P2RY12: variants seen among roughly 807,000 people sequenced by gnomAD.
P2RY12 encodes purinergic receptor P2Y12.
A neutral mutation model predicts 4.5 loss-of-function variants in P2RY12; 3 were observed. The observed-to-expected ratio is 0.67, with a 90% CI of 0.31 to 1.74. The LOEUF (loss-of-function observed/expected upper bound fraction) is 1.74, where lower values mean the gene tolerates loss of function less well. P2RY12 is among the 40% of genes most tolerant of loss of function. P2RY12 has a pLI of 0.09. For missense variants in P2RY12, 356 were observed against 407.8 expected (o/e 0.87, Z 1.09); for synonymous variants, 148 against 154.1 (o/e 0.96, Z 0.29).
chr3:151,350,489 A>G (rs943640715), intron 1 of P2RY12, among the ~76,000 whole-genome samples: 30 of 152,098 alleles, frequency 2.0e-4, no homozygotes, highest in Non-Finnish European at 3.1e-4. Flanking sequence ...GATTTTTGGT[A>G]TACTTCTCAA....
At chr3:151,377,230 G>A (rs765415147) in intron 1 of P2RY12, 28 of 1,478,198 alleles carry the variant, frequency 1.9e-5, no homozygotes, top group East Asian at 4.6e-5. Flanking sequence ...CACAAGTAAC[G>A]GTAAATTTTG....
At chr3:151,377,301 A>C (rs372202111) in intron 1 of P2RY12, 1 of 730,822 alleles carries the variant, frequency 1.4e-6, no homozygotes, top group Non-Finnish European at 2.2e-6. Context: ...ACTTGTAAGC[A>C]GGGATTATTA....
At chr3:151,348,685 A>G (rs1752868929) in intron 1 of P2RY12, among the ~76,000 whole-genome samples, 1 of 152,098 alleles carries the variant, frequency 6.6e-6, no homozygotes. Context: ...TGTAATGTAT[A>G]ATAAAAAAGG....
At chr3:151,353,496 C>T (rs1297801887) in intron 1 of P2RY12, among the ~76,000 whole-genome samples, 7 of 152,182 alleles carry the variant, frequency 4.6e-5, no homozygotes, top group Non-Finnish European at 8.8e-5. Context: ...AAGCTTGTAA[C>T]TTATGTTACC....
intron 1 of P2RY12, chr3:151,360,663 C>T: frequency 6.8e-7 from 1 of 1,470,934 alleles, no homozygotes; most frequent in Non-Finnish European, 9.3e-7. Context: ...TTGTTAGTGA[C>T]CCTGACAATA....
At chr3:151,356,659 C>CT (rs1753961794) in intron 1 of P2RY12, among the ~76,000 whole-genome samples, 1 of 150,934 alleles carries the variant, frequency 6.6e-6, no homozygotes, top group Non-Finnish European at 1.5e-5. Context: ...TTCTTTTGGT[C>CT]TTTGTTATTT....
chr3:151,345,521 T>C (rs1295402594), intron 1 of P2RY12, among the ~76,000 whole-genome samples: 6 of 134,650 alleles, frequency 4.5e-5, no homozygotes, highest in Admixed American at 2.9e-4. Flanking sequence ...CTTTTTCTTT[T>C]TTTTTTTTTT....
intron 1 of P2RY12, among the ~76,000 whole-genome samples, chr3:151,362,778 A>G (rs1577443827): frequency 6.6e-6 from 1 of 152,182 alleles, no homozygotes; most frequent in African/African-American, 2.4e-5. Context: ...TGGTATTAAT[A>G]AAGTGTGAAA....
In P2RY12 at chr3:151,356,053, C is replaced by T. The variant is rs761288957; in HGVS notation, c.-179-15293G>A. ...TTCGCAATACAGGTGTCAAAGAGAC[C>T]ATGTTTCTCTTACTTTTAGGAAAGC... On this transcript the variant is annotated intron_variant, in intron 1 of 2. Transcript: ENST00000302632. 6 of 1,597,718 alleles carry T rather than the reference C, an allele frequency of 3.8e-6. No individual in the cohort carries two copies. In the East Asian group the frequency reaches 1.4e-4, roughly 36 times the overall value.
At chr3:151,382,934 A>T (rs1312829914) in intron 1 of P2RY12, among the ~76,000 whole-genome samples, 2 of 152,176 alleles carry the variant, frequency 1.3e-5, no homozygotes, top group African/African-American at 4.8e-5. Context: ...CTGTCTGGTC[A>T]GACATCTAGA....
intron 1 of P2RY12, among the ~76,000 whole-genome samples, chr3:151,368,545 G>A (rs1755566958): frequency 6.6e-6 from 1 of 151,466 alleles, no homozygotes; most frequent in African/African-American, 2.4e-5. Context: ...TACTGTGTGT[G>A]TTGGTTCTGA....
chr3:151,368,727 T>TTCATG (rs1287272433), intron 1 of P2RY12, among the ~76,000 whole-genome samples: 6 of 89,712 alleles, frequency 6.7e-5, no homozygotes, highest in Non-Finnish European at 1.4e-4. Flanking sequence ...TTCATTTCAT[T>TTCATG]TCATTTCATT....
At chr3:151,362,083 G>C (rs1475365903) in intron 1 of P2RY12, among the ~76,000 whole-genome samples, 1 of 151,940 alleles carries the variant, frequency 6.6e-6, no homozygotes, top group African/African-American at 2.4e-5. Context: ...TAAATTCTGT[G>C]ATCTCTGCCT....
At chr3:151,356,202 C>A (rs1040034178) in intron 1 of P2RY12, among the ~76,000 whole-genome samples, 56 of 152,130 alleles carry the variant, frequency 3.7e-4, no homozygotes, top group East Asian at 3.9e-4. Flanking sequence ...GAGTTTTAGA[C>A]CAGCCTGGGC....
At chr3:151,349,046 G>A (rs1444877571) in intron 1 of P2RY12, among the ~76,000 whole-genome samples, 1 of 152,230 alleles carries the variant, frequency 6.6e-6, no homozygotes, top group Non-Finnish European at 1.5e-5. Flanking sequence ...CATAGAGTAA[G>A]AAAAGGAGGT....
chr3:151,363,437 G>A (rs1040248824), intron 1 of P2RY12, among the ~76,000 whole-genome samples: 8 of 152,154 alleles, frequency 5.3e-5, no homozygotes, highest in African/African-American at 1.9e-4. Flanking sequence ...TGTGAGAGGA[G>A]TATTTGGGGG....
chr3:151,355,988 T>C (rs1485276385), intron 1 of P2RY12: 2 of 1,614,152 alleles, frequency 1.2e-6, no homozygotes, highest in Admixed American at 3.3e-5. Flanking sequence ...TCATCTTTGA[T>C]CTCATGGAGC....
At chr3:151,348,742 A>G (rs1332402716) in intron 1 of P2RY12, among the ~76,000 whole-genome samples, 1 of 152,192 alleles carries the variant, frequency 6.6e-6, no homozygotes, top group Non-Finnish European at 1.5e-5. Context: ...TGAGAAAGAC[A>G]GACCGACACA....
intron 1 of P2RY12, among the ~76,000 whole-genome samples, chr3:151,354,838 T>C (rs567539752): frequency 1.3e-5 from 2 of 152,218 alleles, no homozygotes; most frequent in Non-Finnish European, 2.9e-5. Context: ...TATGATTTCC[T>C]TTATATATAA....
Sources: gnomAD v4.1 joint callset for allele counts (sites outside exome capture counted in the v4.1 genomes callset) on GRCh38, gnomAD v4.1.1 for gene constraint, MANE v1.5 for transcripts, NCBI Gene and HGNC (gene_info 2026-07-23, HGNC 2026-07-21) for gene names.